Variants in CNTNAP3B observed in about 807,000 individuals in gnomAD.
CNTNAP3B encodes the protein contactin associated protein family member 3B.
A neutral mutation model predicts 108.9 loss-of-function variants in CNTNAP3B; 25 were observed. That is an observed-to-expected ratio of 0.23 (90% CI 0.17 to 0.32). The LOEUF is 0.32. Among genes scored for constraint, CNTNAP3B ranks in the 10% least tolerant of loss-of-function variants. The pLI, the probability that CNTNAP3B is intolerant of heterozygous loss-of-function variation, is 1.00. For missense variants in CNTNAP3B, 252 were observed against 1,210.4 expected (o/e 0.21, Z 11.75); for synonymous variants, 103 against 473.4 (o/e 0.22, Z 10.16).
At chr9:42,067,751 A>G (rs1366876090) in intron 3 of CNTNAP3B, among the ~76,000 whole-genome samples, 2 of 140,454 alleles carry the variant, frequency 1.4e-5, no homozygotes, top group Non-Finnish European at 3.1e-5. Flanking sequence ...GTTGAAAGAA[A>G]GTTGCTCAAA....
intron 3 of CNTNAP3B, among the ~76,000 whole-genome samples, chr9:42,051,901 C>T (rs1826970914): frequency 6.6e-6 from 1 of 152,118 alleles, no homozygotes; most frequent in Admixed American, 6.5e-5. Context: ...AAACTTTTGC[C>T]AGAGTGTAGC....
chr9:42,035,602 G>A (rs1461281444), intron 3 of CNTNAP3B, among the ~76,000 whole-genome samples: 4 of 148,774 alleles, frequency 2.7e-5, no homozygotes, highest in African/African-American at 1.0e-4. Flanking sequence ...GTGAGGAACA[G>A]TGCCTGACAC....
intron 2 of CNTNAP3B, among the ~76,000 whole-genome samples, chr9:42,086,442 T>C (rs992050758): frequency 2.1e-5 from 3 of 139,548 alleles, no homozygotes; most frequent in Admixed American, 2.1e-4. Context: ...TTTTTTTTTT[T>C]ACATTTTTTT....
chr9:42,120,539 G>C lies in CNTNAP3B; in HGVS notation c.85+8471C>G, dbSNP rs527280291. Among the ~76,000 whole-genome samples, 17 of 137,062 alleles carry C rather than the reference G, an allele frequency of 1.2e-4. 1 individual carries two copies. Among genetic ancestry groups the C allele is most frequent in the Middle Eastern group, 3.5e-3 (1 of 284 alleles). The allele number at this position is 137,062 out of a possible 152,430, so 89.9% of individuals were successfully genotyped here. A position where few individuals can be genotyped will look rare whatever the true frequency, so the allele number is the denominator to read the frequency against. On this transcript the variant is annotated intron_variant, in intron 1 of 23. Coordinates refer to ENST00000377561, the MANE Select transcript of CNTNAP3B (RefSeq NM_001201380.3). ...ACATGCACACGTATGTTTATTGCGG[G>C]ACTATTCACAATAGCAAGACTTGGA...
chr9:42,093,080 C>T lies in CNTNAP3B; in HGVS notation c.196+11549G>A, dbSNP rs1827835128. ...TACTACTAATTGCCGGGCGCGGTGG[C>T]TCACACCTGTAATCCCAGCACTTTG... On this transcript the variant is annotated intron_variant, in intron 2 of 23. Coordinates refer to ENST00000377561, the MANE Select transcript of CNTNAP3B (RefSeq NM_001201380.3). Among the ~76,000 whole-genome samples, 2 of 97,262 alleles carry T rather than the reference C, an allele frequency of 2.1e-5. 1 individual carries two copies. The highest frequency in any genetic ancestry group is 6.3e-4 in the South Asian group (2 of 3,178). 63.8% of individuals were successfully genotyped at this position (97,262 alleles called of 152,430 possible).
intron 3 of CNTNAP3B, among the ~76,000 whole-genome samples, chr9:42,014,785 C>A (rs1424820132): frequency 1.7e-5 from 1 of 58,540 alleles, no homozygotes; most frequent in Non-Finnish European, 3.1e-5. Context: ...AGGTAGACTC[C>A]GTCACAAAAA....
At chr9:42,030,902 T>G (rs1826513684) in intron 3 of CNTNAP3B, among the ~76,000 whole-genome samples, 1 of 106,306 alleles carries the variant, frequency 9.4e-6, no homozygotes. Context: ...CCACATAGGG[T>G]TCTCAGCCTC....
rs1322826769 is a variant in CNTNAP3B at position 42,126,924 on chromosome 9, C to T, written c.85+2086G>A. ...CATGCCATCATCAACAGGCTGCCTT[C>T]GTGGGTGGCCAATGTGCTTCTGGAA... On this transcript the variant is annotated intron_variant, in intron 1 of 23. Transcript: ENST00000377561. 2.2e-5 allele frequency among the ~76,000 whole-genome samples: 3 copies of T among 138,296 alleles called. 1 individual carries two copies. Among genetic ancestry groups the T allele is most frequent in the Admixed American group, 1.4e-4 (2 of 13,916 alleles). The allele number at this position is 138,296 out of a possible 152,430, so 90.7% of individuals were successfully genotyped here.
chr9:42,003,238 A>C (rs529322226), intron 4 of CNTNAP3B, among the ~76,000 whole-genome samples: 1 of 127,400 alleles, frequency 7.8e-6, no homozygotes, highest in African/African-American at 3.1e-5. Flanking sequence ...CTGGCTTCTC[A>C]TTACTACTTT....
intron 23 of CNTNAP3B, among the ~76,000 whole-genome samples, 168 bp from the exon 24 acceptor site, chr9:41,894,278 A>T (rs1396939198): frequency 9.9e-5 from 12 of 121,508 alleles, no homozygotes; most frequent in Admixed American, 8.1e-4. Context: ...CGTTCAGCTT[A>T]TTTTTTTTTT....
intron 14 of CNTNAP3B, among the ~76,000 whole-genome samples, chr9:41,934,112 T>TATATATATATATATATACAC (rs1206776352): frequency 4.7e-5 from 6 of 126,350 alleles, no homozygotes; most frequent in African/African-American, 1.8e-4. Flanking sequence ...TATATATATA[T>TATATATATATATATATACAC]ATATATATAT....
chr9:41,956,308 C>A (rs1487543482), intron 12 of CNTNAP3B, among the ~76,000 whole-genome samples: 1 of 151,660 alleles, frequency 6.6e-6, no homozygotes, highest in Non-Finnish European at 1.5e-5. Flanking sequence ...ATCATTTGAA[C>A]CCGGGAGGTG....
intron 13 of CNTNAP3B, among the ~76,000 whole-genome samples, chr9:41,939,233 A>T (rs1431302859): frequency 1.3e-5 from 2 of 152,294 alleles, no homozygotes; most frequent in Admixed American, 6.5e-5. Context: ...AAAAAAGGAA[A>T]GGGGTCAGAG....
rs1477308157 is a variant in CNTNAP3B at position 42,068,204 on chromosome 9, G to A, written c.390+8665C>T. On this transcript the variant is annotated intron_variant, in intron 3 of 23. Transcript: ENST00000377561. Reference sequence around the variant, plus strand: ...AAGGTCAAATAACTCACAGCCAATGGGGAACTAGAGAGATATCTGAGGATT... The same window carrying A: ...AAGGTCAAATAACTCACAGCCAATGAGGAACTAGAGAGATATCTGAGGATT... Among the ~76,000 whole-genome samples, 15 of 61,316 alleles carry A rather than the reference G, an allele frequency of 2.4e-4. 1 individual carries two copies. The highest frequency in any genetic ancestry group is 3.8e-4 in the Non-Finnish European group (13 of 33,816). 40.2% of individuals were successfully genotyped at this position (61,316 alleles called of 152,430 possible). A position where few individuals can be genotyped will look rare whatever the true frequency, so the allele number is the denominator to read the frequency against.
chr9:42,056,324 A>ATTT (rs1236668921), intron 3 of CNTNAP3B, among the ~76,000 whole-genome samples: 6,086 of 101,334 alleles, frequency 0.06, 403 homozygotes, highest in African/African-American at 0.15. Flanking sequence ...TATCTCATGA[A>ATTT]TTTTATTATT....
intron 3 of CNTNAP3B, among the ~76,000 whole-genome samples, chr9:42,020,536 C>T (rs1826293653): frequency 6.9e-6 from 1 of 144,240 alleles, no homozygotes; most frequent in South Asian, 2.2e-4. Context: ...TATGCTGGTG[C>T]CATCTCTGGT....
intron 1 of CNTNAP3B, among the ~76,000 whole-genome samples, chr9:42,116,668 T>A (rs564486113): frequency 7.2e-6 from 1 of 139,442 alleles, no homozygotes; most frequent in South Asian, 2.3e-4. Flanking sequence ...AATTCACACA[T>A]AACAATATTA....
At chr9:41,939,516 GA>G (rs1030406764) in intron 13 of CNTNAP3B, among the ~76,000 whole-genome samples, 9 of 152,344 alleles carry the variant, frequency 5.9e-5, no homozygotes, top group South Asian at 4.2e-4. Flanking sequence ...AAAAAACAAC[GA>G]AAAAAAGGCA....
intron 10 of CNTNAP3B, among the ~76,000 whole-genome samples, chr9:41,966,318 T>C (rs1332052545): frequency 1.3e-5 from 2 of 152,308 alleles, no homozygotes; most frequent in Admixed American, 1.3e-4. Context: ...ATAATTTTAG[T>C]TCAAAATATT....
Sources: allele counts gnomAD v4.1 joint callset (sites outside exome capture counted in the v4.1 genomes callset), GRCh38; gene constraint gnomAD v4.1.1; transcripts MANE v1.5; gene names NCBI Gene and HGNC (gene_info 2026-07-23, HGNC 2026-07-21).